The following PRKG1 variants were observed in gnomAD, a reference collection of about 807,000 sequenced individuals.
PRKG1 encodes cGMP-dependent protein kinase 1.
A neutral mutation model predicts 88.1 loss-of-function variants in PRKG1; 35 were observed. The observed-to-expected ratio is 0.40, with a 90% confidence interval of 0.30 to 0.53. The LOEUF (loss-of-function observed/expected upper bound fraction) is 0.53, where lower values mean the gene tolerates loss of function less well. Among genes scored for constraint, PRKG1 ranks in the 20% least tolerant of loss-of-function variants. The pLI, the probability that PRKG1 is intolerant of heterozygous loss-of-function variation, is 0.59. For synonymous variants in PRKG1, 303 were observed against 292.5 expected (o/e 1.04, Z -0.37); for missense variants, 540 against 839.8 (o/e 0.64, Z 4.41).
At chr10:52,222,710 T>C (rs186141044) in intron 9 of PRKG1, among the ~76,000 whole-genome samples, 1 of 152,200 alleles carries the variant, frequency 6.6e-6, no homozygotes, top group Non-Finnish European at 1.5e-5. Flanking sequence ...TCATTTCTTG[T>C]AACAATTAAA....
intron 4 of PRKG1, among the ~76,000 whole-genome samples, chr10:51,855,180 A>G (rs1937709): frequency 0.37 from 55,618 of 151,990 alleles, 10,582 homozygotes; most frequent in Middle Eastern, 0.43. Flanking sequence ...GACTTATTTC[A>G]AAGGATCCTG....
chr10:51,728,449 CTTTGTTTTTTTTT>C (rs1842189484), intron 3 of PRKG1, among the ~76,000 whole-genome samples: 1 of 57,918 alleles, frequency 1.7e-5, no homozygotes, highest in African/African-American at 6.9e-5. Flanking sequence ...TCCATTTTTT[CTTTGTTTTTTTTT>C]TTTTTTTTTT....
intron 9 of PRKG1, among the ~76,000 whole-genome samples, chr10:52,216,413 G>C (rs1275316969): frequency 6.6e-6 from 1 of 152,182 alleles, no homozygotes. Context: ...GATTTTGCAA[G>C]AGACTCAAAA....
intron 1 of PRKG1, among the ~76,000 whole-genome samples, chr10:51,059,028 T>C (rs1383167332): frequency 2.0e-5 from 3 of 152,170 alleles, no homozygotes; most frequent in African/African-American, 7.2e-5. Flanking sequence ...ATGCTACAAA[T>C]GTTTGTTTGT....
At chr10:51,559,781 C>A (rs1837409516) in intron 3 of PRKG1, among the ~76,000 whole-genome samples, 1 of 151,984 alleles carries the variant, frequency 6.6e-6, no homozygotes, top group Admixed American at 6.6e-5. Flanking sequence ...ATGTGATTGT[C>A]TCAATAATTT....
chr10:51,585,822 C>A (rs10998369), intron 3 of PRKG1, among the ~76,000 whole-genome samples: 10,513 of 152,124 alleles, frequency 0.069, 1,196 homozygotes, highest in African/African-American at 0.24. Context: ...TTTGCAGCAA[C>A]GTGAATGGAG....
At chr10:52,096,750 A>T (rs1847182426) in intron 7 of PRKG1, among the ~76,000 whole-genome samples, 1 of 152,078 alleles carries the variant, frequency 6.6e-6, no homozygotes, top group African/African-American at 2.4e-5. Context: ...TACACATATA[A>T]TTTTTTGTTT....
chr10:52,290,312 T>C (rs1401983495), intron 17 of PRKG1, 22 bp downstream of exon 17: 1 of 1,572,476 alleles, frequency 6.4e-7, no homozygotes, highest in Non-Finnish European at 8.7e-7. Context: ...TTCCAGCTTA[T>C]AATTGTGTGA....
chr10:52,051,212 G>A (rs1845980970), intron 5 of PRKG1, among the ~76,000 whole-genome samples: 1 of 152,126 alleles, frequency 6.6e-6, no homozygotes. Context: ...GATGGATGAG[G>A]GGAATGAGCT....
intron 2 of PRKG1, among the ~76,000 whole-genome samples, chr10:51,266,926 T>C (rs1384701480): frequency 6.6e-6 from 1 of 151,082 alleles, no homozygotes; most frequent in African/African-American, 2.5e-5. Context: ...GAACCTATCA[T>C]AGGATCTGAT....
intron 10 of PRKG1, chr10:52,253,298 G>A (rs1381611352): frequency 1.6e-4 from 24 of 151,832 alleles, no homozygotes; most frequent in Admixed American, 1.6e-3. Flanking sequence ...GGTGATCTTT[G>A]AAGTTACCAG....
At chr10:52,139,544 G>A (rs1837517905) in intron 8 of PRKG1, among the ~76,000 whole-genome samples, 1 of 152,074 alleles carries the variant, frequency 6.6e-6, no homozygotes. Context: ...CTGAATCCAT[G>A]CTCTGGGATA....
At chr10:51,552,283 T>C (rs1397040616) in intron 3 of PRKG1, among the ~76,000 whole-genome samples, 1 of 151,696 alleles carries the variant, frequency 6.6e-6, no homozygotes, top group African/African-American at 2.4e-5. Context: ...TCTAATAATG[T>C]CTATTTCATT....
intron 7 of PRKG1, among the ~76,000 whole-genome samples, chr10:52,070,242 G>A (rs528819836): frequency 1.2e-3 from 180 of 152,274 alleles, no homozygotes; most frequent in African/African-American, 4.1e-3. Context: ...TCTTTGAAGA[G>A]ATGATTGGTT....
intron 2 of PRKG1, among the ~76,000 whole-genome samples, chr10:51,367,455 A>C (rs1445400097): frequency 6.6e-6 from 1 of 151,934 alleles, no homozygotes; most frequent in African/African-American, 2.4e-5. Context: ...CTGAGGGAAC[A>C]TCTCTTATGA....
chr10:51,818,230 T>G (rs1222593758), intron 4 of PRKG1, among the ~76,000 whole-genome samples: 1 of 152,172 alleles, frequency 6.6e-6, no homozygotes, highest in Admixed American at 6.5e-5. Context: ...TCTTCTAGAA[T>G]ATTATTTTAG....
At chr10:51,757,984 G>A (rs539084092) in intron 3 of PRKG1, among the ~76,000 whole-genome samples, 221 of 152,112 alleles carry the variant, frequency 1.5e-3, no homozygotes, top group Non-Finnish European at 2.8e-3. Context: ...TTTTGATCTG[G>A]CATTTGTTCC....
chr10:51,852,025 G>T (rs928029734), intron 4 of PRKG1, among the ~76,000 whole-genome samples: 1 of 151,696 alleles, frequency 6.6e-6, no homozygotes, highest in Non-Finnish European at 1.5e-5. Context: ...CAACCATATC[G>T]GCAGGCTCTT....
At chr10:51,146,836 T>A (rs567107120) in intron 1 of PRKG1, among the ~76,000 whole-genome samples, 1 of 152,166 alleles carries the variant, frequency 6.6e-6, no homozygotes, top group African/African-American at 2.4e-5. Context: ...CAAAGAGATA[T>A]CTGTACTCCC....
Sources: allele counts gnomAD v4.1 joint callset (sites outside exome capture counted in the v4.1 genomes callset), GRCh38; gene constraint gnomAD v4.1.1; transcripts MANE v1.5; gene names NCBI Gene and HGNC (gene_info 2026-07-23, HGNC 2026-07-21).